The following TMEM163 variants were observed in gnomAD, a reference collection of about 807,000 sequenced individuals.
The protein encoded by TMEM163 is transmembrane protein 163.
TMEM163 carries 17 observed loss-of-function variants against 29.3 expected under a neutral mutation model. The ratio of observed to expected loss-of-function variants is 0.58; its 90% CI spans 0.40 to 0.87. The LOEUF (loss-of-function observed/expected upper bound fraction) is 0.87, where lower values mean the gene tolerates loss of function less well. TMEM163 is among the 40% of genes least tolerant of loss of function. The probability of loss-of-function intolerance (pLI) is 0.00; values close to 1 mark genes in which losing one functional copy is unlikely to be tolerated. For synonymous variants in TMEM163, 157 were observed against 160.6 expected (o/e 0.98, Z 0.17); for missense variants, 303 against 381.5 (o/e 0.79, Z 1.71).
At chr2:134,677,631 C>T (rs529967601) in intron 2 of TMEM163, among the ~76,000 whole-genome samples, 2 of 152,170 alleles carry the variant, frequency 1.3e-5, no homozygotes, top group African/African-American at 4.8e-5. Context: ...TATAATATGA[C>T]CATAGCTATA....
chr2:134,562,547 T>C (rs540587715), intron 2 of TMEM163, among the ~76,000 whole-genome samples: 2 of 152,340 alleles, frequency 1.3e-5, no homozygotes, highest in South Asian at 2.1e-4. Context: ...TCCAAACACA[T>C]TGAACCTCTT....
rs1463766133 is a variant in TMEM163 at position 134,658,380 on chromosome 2, ACT to A, written c.322+54818_322+54819del. 2.6e-5 allele frequency among the ~76,000 whole-genome samples: 4 copies of A among 152,160 alleles called. No individual in the cohort carries two copies. The East Asian group carries it at 7.7e-4, about 29-fold the overall frequency. On this transcript the variant is annotated intron_variant, in intron 2 of 7. Coordinates refer to ENST00000281924, the MANE Select transcript of TMEM163 (RefSeq NM_030923.5). ...TTGTGAGGTTTTGTTTAAATGACAA[ACT>A]CTCCCACCAGCACTACGTAGAAAGG...
chr2:134,515,378 C>A (rs1395761183), intron 4 of TMEM163, among the ~76,000 whole-genome samples: 1 of 152,178 alleles, frequency 6.6e-6, no homozygotes, highest in African/African-American at 2.4e-5. Flanking sequence ...GGCTTCTCAG[C>A]ATAACATGGT....
intron 5 of TMEM163, among the ~76,000 whole-genome samples, chr2:134,479,979 A>G (rs1687010920): frequency 6.6e-6 from 1 of 152,238 alleles, no homozygotes; most frequent in Non-Finnish European, 1.5e-5. Flanking sequence ...ATCATACACT[A>G]GCTCAGGAGA....
intron 4 of TMEM163, among the ~76,000 whole-genome samples, chr2:134,515,099 C>A (rs1423894850): frequency 6.6e-6 from 1 of 152,230 alleles, no homozygotes; most frequent in Non-Finnish European, 1.5e-5. Context: ...GCTGTCTCAG[C>A]AACGCGATAC....
At chr2:134,671,718 G>A (rs998451) in intron 2 of TMEM163, among the ~76,000 whole-genome samples, 41,482 of 152,164 alleles carry the variant, frequency 0.27, 8,178 homozygotes, top group Non-Finnish European at 0.43. Context: ...TGGGGTTGAC[G>A]AGCATGAATA....
chr2:134,520,497 T>C (rs1215793390), intron 4 of TMEM163, among the ~76,000 whole-genome samples: 1 of 152,230 alleles, frequency 6.6e-6, no homozygotes, highest in Non-Finnish European at 1.5e-5. Context: ...GTCTGTATGA[T>C]TGTAGTACTA....
At chr2:134,609,368 A>G (rs13401002) in intron 2 of TMEM163, among the ~76,000 whole-genome samples, 3 of 24,368 alleles carry the variant, frequency 1.2e-4, no homozygotes, top group Admixed American at 3.3e-4. Flanking sequence ...CGAGAACTGT[A>G]CTGGTGAAAA....
At chr2:134,490,038 A>T (rs1047086701) in intron 5 of TMEM163, among the ~76,000 whole-genome samples, 10 of 152,234 alleles carry the variant, frequency 6.6e-5, no homozygotes, top group Admixed American at 5.2e-4. Context: ...ACCCCATGCC[A>T]GGTCCTATAT....
chr2:134,716,573 C>A (rs1685041383), intron 1 of TMEM163, among the ~76,000 whole-genome samples: 1 of 152,136 alleles, frequency 6.6e-6, no homozygotes, highest in African/African-American at 2.4e-5. Flanking sequence ...GGTATTTAGG[C>A]CTGAAAGAAA....
intron 4 of TMEM163, among the ~76,000 whole-genome samples, chr2:134,512,655 G>A (rs886891398): frequency 1.3e-5 from 2 of 152,206 alleles, no homozygotes; most frequent in Non-Finnish European, 2.9e-5. Flanking sequence ...AAGCCATGCA[G>A]GTATAGGGAG....
At chr2:134,606,343 C>CAAA (rs11320775) in intron 2 of TMEM163, among the ~76,000 whole-genome samples, 1 of 147,134 alleles carries the variant, frequency 6.8e-6, no homozygotes. Flanking sequence ...AACTCCGTCT[C>CAAA]AAAAAAAAAA....
chr2:134,505,649 AC>A (rs1679806362), intron 4 of TMEM163, among the ~76,000 whole-genome samples: 1 of 151,864 alleles, frequency 6.6e-6, no homozygotes, highest in Admixed American at 6.6e-5. Context: ...CCATCTCCAT[AC>A]TCCTCTGGGG....
Position 134,718,922 on chromosome 2 carries a change from G to T in TMEM163, c.14C>A (p.Ala5Glu). The change falls in exon 1 of 8, where the codon GCG (alanine) becomes GAG (glutamate). Residue 5 changes from alanine to glutamate, a missense_variant. Physicochemically the swap from Ala to Glu is moderately radical, Grantham distance 107. Coordinates refer to ENST00000281924, the MANE Select transcript of TMEM163 (RefSeq NM_030923.5). ...CTGGGAGCTGCGGCGCTGGATGCCC[G>T]CGGCCGGCTCCATGGCGCGGGGCTG... Reference protein sequence around the residue: MEPAAGIQRRSSQGP... With the variant: MEPAEGIQRRSSQGP... The T allele has an allele frequency of 9.4e-7, 1 of 1,058,792 alleles. No individual in the cohort carries two copies. 65.6% of individuals were successfully genotyped at this position (1,058,792 alleles called of 1,614,324 possible). A position where few individuals can be genotyped will look rare whatever the true frequency, so the allele number is the denominator to read the frequency against.
At chr2:134,472,970 A>G (rs1333760118) in intron 5 of TMEM163, among the ~76,000 whole-genome samples, 2 of 152,202 alleles carry the variant, frequency 1.3e-5, no homozygotes. Context: ...AAAACAACCC[A>G]CTTCTTAAAA....
In TMEM163 at chr2:134,601,031, C is replaced by T. The variant is rs531119962; in HGVS notation, c.323-48940G>A. Among the ~76,000 whole-genome samples the T allele has an allele frequency of 1.3e-4, 19 of 151,970 alleles. No individual in the cohort carries two copies. In the South Asian group the frequency reaches 2.7e-3, roughly 22 times the overall value. ...TTCATAGTAAAAACATACACACACA[C>T]GCATGTATATATATGCTTTCACAGT... On this transcript the variant is annotated intron_variant, in intron 2 of 7. Coordinates refer to ENST00000281924, the MANE Select transcript of TMEM163 (RefSeq NM_030923.5).
intron 2 of TMEM163, among the ~76,000 whole-genome samples, chr2:134,562,653 G>T (rs1335323661): frequency 1.3e-5 from 2 of 152,194 alleles, no homozygotes; most frequent in African/African-American, 4.8e-5. Context: ...TTGGCTTAAA[G>T]AAACTATGCT....
chr2:134,456,446 C>T lies in TMEM163; in HGVS notation c.*270G>A, dbSNP rs78198285. On this transcript the variant is annotated 3_prime_UTR_variant, in exon 8 of 8. Transcript: ENST00000281924. The stretch of plus-strand genomic sequence containing the variant: ...AAGATCTCATCCTACCCATGAGAAC[C>T]ATCATACTCCAGAGACTAAAAAACG... 2.3e-5 allele frequency: 11 copies of T among 475,778 alleles called. No individual in the cohort carries two copies. Among genetic ancestry groups the T allele is most frequent in the African/African-American group, 2.1e-4 (10 of 46,776 alleles). The allele number at this position is 475,778 out of a possible 1,614,324, so 29.5% of individuals were successfully genotyped here.
In TMEM163 at chr2:134,523,551, A is replaced by G. The variant is rs112983662; in HGVS notation, c.459-20554T>C. 6.5e-3 allele frequency among the ~76,000 whole-genome samples: 986 copies of G among 152,094 alleles called. 9 individuals carry two copies. Among genetic ancestry groups the G allele is most frequent in the East Asian group, 0.036 (185 of 5,154 alleles). On this transcript the variant is annotated intron_variant, in intron 4 of 7. Coordinates refer to ENST00000281924, the MANE Select transcript of TMEM163 (RefSeq NM_030923.5). ...GAAAAGCACTCCTGTCTCTCCCCCA[A>G]TCTCCCCTCAGCTGCTCCCTGCCAC...
Sources: gnomAD v4.1 joint callset for allele counts (sites outside exome capture counted in the v4.1 genomes callset) on GRCh38, gnomAD v4.1.1 for gene constraint, MANE v1.5 for transcripts, NCBI Gene and HGNC (gene_info 2026-07-23, HGNC 2026-07-21) for gene names.